Variants in CPNE8 observed in about 807,000 individuals in gnomAD.
The protein encoded by CPNE8 is copine 8.
CPNE8 carries 45 observed loss-of-function variants against 81.5 expected under a neutral mutation model. That is an observed-to-expected ratio of 0.55 (90% confidence interval 0.44 to 0.71). The LOEUF (loss-of-function observed/expected upper bound fraction) is 0.71. CPNE8 is among the 30% of genes least tolerant of loss of function. The probability of loss-of-function intolerance (pLI) is 0.00; values close to 1 mark genes in which losing one functional copy is unlikely to be tolerated. For missense variants in CPNE8, 594 were observed against 672.1 expected (o/e 0.88, Z 1.28); for synonymous variants, 252 against 226.3 (o/e 1.11, Z -1.02).
chr12:38,781,199 A>G (rs759755763), intron 6 of CPNE8, among the ~76,000 whole-genome samples: 33 of 152,204 alleles, frequency 2.2e-4, no homozygotes, highest in African/African-American at 6.7e-4. Context: ...TTTTGAAATT[A>G]TGTTTCTAAA....
chr12:38,835,120 C>T (rs964026396), intron 5 of CPNE8, among the ~76,000 whole-genome samples: 3 of 152,074 alleles, frequency 2.0e-5, no homozygotes. Context: ...CTCCTGACCT[C>T]GTGATCTGCC....
intron 13 of CPNE8, among the ~76,000 whole-genome samples, chr12:38,719,616 G>C (rs1402867795): frequency 6.8e-6 from 1 of 147,294 alleles, no homozygotes. Flanking sequence ...GAAAGAAATT[G>C]TGCCAATTGC....
intron 15 of CPNE8, among the ~76,000 whole-genome samples, chr12:38,686,085 T>C (rs1178757422): frequency 1.3e-5 from 2 of 152,166 alleles, no homozygotes; most frequent in Admixed American, 1.3e-4. Context: ...TTTTCTGCAG[T>C]GAACATGTAT....
Position 38,685,620 on chromosome 12 carries a change from G to A in CPNE8, c.1144-3C>T, listed in dbSNP as rs765449118. Reference sequence around the variant, plus strand: ...TAGGGGTTTTGAGGATTCCCATTCTGTAGAAATTTATAGGCAAAACAAAAC... The same window carrying A: ...TAGGGGTTTTGAGGATTCCCATTCTATAGAAATTTATAGGCAAAACAAAAC... On this transcript the variant is annotated splice_region_variant and splice_polypyrimidine_tract_variant and intron_variant, in intron 15 of 19. Transcript: ENST00000331366. The A allele has an allele frequency of 2.5e-6, 4 of 1,607,622 alleles. No homozygotes were observed. The highest frequency in any genetic ancestry group is 2.2e-5 in the East Asian group (1 of 44,750).
At chr12:38,898,800 G>A (rs1334986486) in intron 1 of CPNE8, among the ~76,000 whole-genome samples, 1 of 152,164 alleles carries the variant, frequency 6.6e-6, no homozygotes, top group Non-Finnish European at 1.5e-5. Context: ...ACTCCAAAAA[G>A]GGTCAGACAC....
chr12:38,874,550 G>A (rs1287292261), intron 1 of CPNE8, 39 bp from the exon 2 acceptor site: 1 of 1,343,300 alleles, frequency 7.4e-7, no homozygotes, highest in South Asian at 1.2e-5. Context: ...GGATATAAAA[G>A]CAAAATATTT....
intron 8 of CPNE8, among the ~76,000 whole-genome samples, chr12:38,763,297 G>A (rs1042491725): frequency 7.9e-5 from 12 of 152,208 alleles, no homozygotes; most frequent in African/African-American, 2.9e-4. Flanking sequence ...GGGATCATGA[G>A]GAAGCTCTCC....
At chr12:38,869,755 A>G (rs569740091) in intron 3 of CPNE8, among the ~76,000 whole-genome samples, 2 of 151,152 alleles carry the variant, frequency 1.3e-5, no homozygotes, top group African/African-American at 4.9e-5. Flanking sequence ...GCTCCCACCT[A>G]CTCTATATAA....
chr12:38,798,212 C>A (rs1254398679), intron 6 of CPNE8, among the ~76,000 whole-genome samples: 2 of 152,080 alleles, frequency 1.3e-5, no homozygotes, highest in African/African-American at 4.8e-5. Context: ...CACAAAGATA[C>A]TCCTTGAGAA....
chr12:38,743,363 CT>C (rs1406875401), intron 10 of CPNE8, among the ~76,000 whole-genome samples: 1 of 151,932 alleles, frequency 6.6e-6, no homozygotes, highest in Non-Finnish European at 1.5e-5. Flanking sequence ...TGTGGTATTT[CT>C]TTATATTAAA....
intron 7 of CPNE8, among the ~76,000 whole-genome samples, chr12:38,768,830 G>A (rs1941743695): frequency 6.6e-6 from 1 of 152,058 alleles, no homozygotes; most frequent in South Asian, 2.1e-4. Flanking sequence ...AACTGAACAG[G>A]AAAGCTTAAA....
chr12:38,791,369 T>C (rs1279245590), intron 6 of CPNE8, among the ~76,000 whole-genome samples: 3 of 151,740 alleles, frequency 2.0e-5, no homozygotes, highest in South Asian at 2.1e-4. Context: ...TACTATGTTA[T>C]AGAATAGTTA....
chr12:38,653,633 G>GAA lies in CPNE8; in HGVS notation c.*247_*248dup. ...TGTTTCTGTTAAAAAAAAAAAGAAA[G>GAA]AAAGATTTAGAGAAGACATCCATAC... On this transcript the variant is annotated 3_prime_UTR_variant, in exon 20 of 20. Transcript: ENST00000331366. 1 of 97,138 alleles carries GAA rather than the reference G, an allele frequency of 1.0e-5. No homozygotes were observed. Among genetic ancestry groups the GAA allele is most frequent in the Non-Finnish European group, 2.6e-5 (1 of 38,816 alleles). 6.0% of individuals were successfully genotyped at this position (97,138 alleles called of 1,614,324 possible).
intron 11 of CPNE8, chr12:38,726,402 T>C (rs181752966): frequency 5.3e-5 from 8 of 152,284 alleles, no homozygotes; most frequent in East Asian, 1.9e-4. Context: ...AAAGCCCTAA[T>C]TGAACAAATT....
rs140898904 is a variant in CPNE8, at chr12:38,658,033, T to C, written c.1507-3963A>G. Reference sequence around the variant, plus strand: ...CTCCTTGCCAGTAATGGAACAAAGATGGATGGAGAATGAGTTTGACGAGTT... The same window carrying C: ...CTCCTTGCCAGTAATGGAACAAAGACGGATGGAGAATGAGTTTGACGAGTT... On this transcript the variant is annotated intron_variant, in intron 19 of 19. Coordinates refer to ENST00000331366, the MANE Select transcript of CPNE8 (RefSeq NM_153634.3). Among the ~76,000 whole-genome samples, 250 of 152,170 alleles carry C rather than the reference T, an allele frequency of 1.6e-3. 2 individuals carry two copies. The highest frequency in any genetic ancestry group is 5.8e-3 in the African/African-American group (242 of 41,518).
intron 8 of CPNE8, among the ~76,000 whole-genome samples, chr12:38,763,254 T>A (rs910349690): frequency 7.9e-5 from 12 of 152,172 alleles, no homozygotes; most frequent in Non-Finnish European, 1.8e-4. Flanking sequence ...TGCAAGAACA[T>A]TCAGGAAGGC....
In CPNE8 at chr12:38,783,142, T is replaced by A. The variant is rs78276103; in HGVS notation, c.408-6841A>T. ...ACAGTTAAACATGATCTCAAGAGATTATTAGAGATGAGTAATCCTTCACAA... is the reference window on the plus strand; with the variant it reads ...ACAGTTAAACATGATCTCAAGAGATAATTAGAGATGAGTAATCCTTCACAA... On this transcript the variant is annotated intron_variant, in intron 6 of 19. Transcript: ENST00000331366. Among the ~76,000 whole-genome samples, 2,188 of 152,246 alleles carry A rather than the reference T, an allele frequency of 0.014. 115 individuals carry two copies. The East Asian group carries it at 0.17, about 12-fold the overall frequency.
At chr12:38,696,033 G>A (rs1232644319) in intron 14 of CPNE8, among the ~76,000 whole-genome samples, 1 of 152,028 alleles carries the variant, frequency 6.6e-6, no homozygotes, top group Non-Finnish European at 1.5e-5. Context: ...GTGACAATAT[G>A]GCAAATACTT....
At chr12:38,714,286 G>A (rs1315688113) in intron 13 of CPNE8, among the ~76,000 whole-genome samples, 1 of 152,062 alleles carries the variant, frequency 6.6e-6, no homozygotes, top group Non-Finnish European at 1.5e-5. Context: ...AATTTGAAAT[G>A]AATCTGACAT....
Sources: allele counts gnomAD v4.1 joint callset (sites outside exome capture counted in the v4.1 genomes callset), GRCh38; gene constraint gnomAD v4.1.1; transcripts MANE v1.5; gene names NCBI Gene and HGNC (gene_info 2026-07-23, HGNC 2026-07-21).